The following USP6 variants were observed in gnomAD, a reference collection of about 807,000 sequenced individuals.
The protein encoded by USP6 is ubiquitin carboxyl-terminal hydrolase 6.
Under a neutral mutation model 175.7 loss-of-function variants are expected in USP6, and 128 were observed. That is an observed-to-expected ratio of 0.73 (90% CI 0.63 to 0.84). USP6 has a LOEUF of 0.84. USP6 is among the 40% of genes least tolerant of loss of function. The pLI is 0.00. For missense variants in USP6, 1,498 were observed against 1,760.3 expected (o/e 0.85, Z 2.67); for synonymous variants, 562 against 630.6 (o/e 0.89, Z 1.63).
In USP6 at chr17:5,138,336, G is replaced by A. The variant is rs2073329001; in HGVS notation, c.1078+63G>A. 3 of 1,606,512 alleles carry A rather than the reference G, an allele frequency of 1.9e-6. 1 individual carries two copies. The South Asian group carries it at 3.3e-5, about 18-fold the overall frequency. On this transcript the variant is annotated intron_variant, in intron 21 of 37. Coordinates refer to ENST00000574788, the MANE Select transcript of USP6 (RefSeq NM_001304284.2). The stretch of plus-strand genomic sequence containing the variant: ...CTGGGGCAGTCAATAGTGGGCGGGT[G>A]CCCCGGACCAGCAACCCTACTACCT...
intron 33 of USP6, among the ~76,000 whole-genome samples, chr17:5,167,360 C>A (rs1241765569): frequency 6.6e-6 from 1 of 152,122 alleles, no homozygotes; most frequent in Non-Finnish European, 1.5e-5. Flanking sequence ...AAATTCAATT[C>A]TTTTTGTTTT....
At chr17:5,118,949 A>G (rs921918905) in intron 2 of USP6, among the ~76,000 whole-genome samples, 31 of 152,224 alleles carry the variant, frequency 2.0e-4, no homozygotes, top group Non-Finnish European at 1.3e-4. Flanking sequence ...TTATTCAGAA[A>G]GAACCAATCG....
In USP6 at chr17:5,155,494, C is replaced by T. The variant is rs1302699204; in HGVS notation, c.2716C>T (p.Pro906Ser). 1 of 1,614,104 alleles carries T rather than the reference C, an allele frequency of 6.2e-7. No individual in the cohort carries two copies. Among genetic ancestry groups the T allele is most frequent in the East Asian group, 2.2e-5 (1 of 44,878 alleles). ...PSLFGMPLIV[P>S]CTVHTRKKDL... ...CCTCTTTGGAATGCCATTGATTGTT[C>T]CATGCACTGTGCATACCCGGAAGAA... is the stretch of plus-strand genomic sequence containing the variant. Residue 906 changes from proline (P) to serine (S), a missense_variant, in exon 31 of 38, where the codon CCA (proline) becomes TCA (serine). Transcript: ENST00000574788.
intron 28 of USP6, among the ~76,000 whole-genome samples, chr17:5,146,450 G>A (rs1340495319): frequency 6.6e-6 from 1 of 152,092 alleles, no homozygotes; most frequent in Non-Finnish European, 1.5e-5. Flanking sequence ...TATAGTATAG[G>A]TTTCCTCCAA....
intron 25 of USP6, among the ~76,000 whole-genome samples, chr17:5,143,577 A>G (rs1369662774): frequency 2.0e-5 from 3 of 151,680 alleles, no homozygotes; most frequent in East Asian, 1.9e-4. Flanking sequence ...AAGAGTCATC[A>G]CCACTCCCTA....
At position 5,135,221 on chromosome 17, in the gene USP6, C is replaced by G; in HGVS notation, c.495-13C>G. ...CACAAACCAAACCATAGCCCCCTTT[C>G]TGTGTTTCCTAGGCAGAGGGAACTA... On this transcript the variant is annotated splice_polypyrimidine_tract_variant and intron_variant, in intron 15 of 37. Transcript: ENST00000574788. 1 of 1,612,366 alleles carries G rather than the reference C, an allele frequency of 6.2e-7. No individual in the cohort carries two copies. The highest frequency in any genetic ancestry group is 2.2e-5 in the East Asian group (1 of 44,834).
Position 5,141,440 on chromosome 17 carries a change from T to A in USP6, c.1514T>A (p.Met505Lys). 1 of 1,608,920 alleles carries A rather than the reference T, an allele frequency of 6.2e-7. No individual in the cohort carries two copies. Among genetic ancestry groups the A allele is most frequent in the Non-Finnish European group, 8.5e-7 (1 of 1,178,122 alleles). The change falls in exon 23 of 38, where the codon ATG becomes AAG. Residue 505 changes from methionine (M) to lysine (K), a missense_variant. Coordinates refer to ENST00000574788, the MANE Select transcript of USP6 (RefSeq NM_001304284.2). ...EHCGEVHNKD[M>K]SWPEEMSFTA... Reference sequence around the variant, plus strand: ...GTCCTTCCAGTTCACAACAAAGATATGAGTTGGCCTGAGGAGATGTCTTTT... The same window carrying A: ...GTCCTTCCAGTTCACAACAAAGATAAGAGTTGGCCTGAGGAGATGTCTTTT...
intron 23 of USP6, 44 bp downstream of exon 23, chr17:5,141,543 A>T (rs2073448217): frequency 3.3e-6 from 5 of 1,500,268 alleles, no homozygotes; most frequent in African/African-American, 2.9e-5. Flanking sequence ...TTTTAAATGT[A>T]TTTTTTTTCT....
chr17:5,143,028 T>TA (rs1482115010), intron 25 of USP6, among the ~76,000 whole-genome samples: 4 of 152,016 alleles, frequency 2.6e-5, no homozygotes, highest in African/African-American at 4.8e-5. Context: ...CTGTCTCTAC[T>TA]AAAAAAAATT....
chr17:5,143,750 A>G (rs1032669009), intron 25 of USP6, among the ~76,000 whole-genome samples: 2 of 150,924 alleles, frequency 1.3e-5, no homozygotes, highest in Non-Finnish European at 3.0e-5. Context: ...AGAATGATCA[A>G]TAAAAAAAAA....
At chr17:5,161,661 G>A in intron 32 of USP6, 47 bp downstream of exon 32, 1 of 1,592,460 alleles carries the variant, frequency 6.3e-7, no homozygotes, top group Non-Finnish European at 8.6e-7. Flanking sequence ...TTCAGCTTTA[G>A]ATATTATACA....
chr17:5,131,178 A>G (rs943058337), intron 11 of USP6, among the ~76,000 whole-genome samples: 35 of 151,934 alleles, frequency 2.3e-4, no homozygotes, highest in Non-Finnish European at 4.9e-4. Flanking sequence ...GTGTGGGGAC[A>G]GTGGGGGCTT....
Position 5,120,763 on chromosome 17 carries a change from A to T in USP6, c.-1700A>T. The T allele has an allele frequency of 2.3e-6, 1 of 444,224 alleles. No individual in the cohort carries two copies. The highest frequency in any genetic ancestry group is 4.5e-6 in the Non-Finnish European group (1 of 221,290). The allele number at this position is 444,224 out of a possible 1,614,324, so 27.5% of individuals were successfully genotyped here. A position where few individuals can be genotyped will look rare whatever the true frequency, so the allele number is the denominator to read the frequency against. On this transcript the variant is annotated 5_prime_UTR_variant, in exon 3 of 38. It removes an upstream start codon present in the reference 5' UTR. Coordinates refer to ENST00000574788, the MANE Select transcript of USP6 (RefSeq NM_001304284.2). ...AAATTGGTGGAGAAGAGCTACAAGGATGCCAAGGGCTGTTTCTTCAGCATG... is the reference window on the plus strand; with the variant it reads ...AAATTGGTGGAGAAGAGCTACAAGGTTGCCAAGGGCTGTTTCTTCAGCATG...
Position 5,171,709 on chromosome 17 carries a change from TAGA to T in USP6, c.4047+32_4047+34del, listed in dbSNP as rs779396694. 46 of 1,605,830 alleles carry T rather than the reference TAGA, an allele frequency of 2.9e-5. No homozygotes were observed. In the Admixed American group the frequency reaches 6.9e-4, roughly 24 times the overall value. The stretch of plus-strand genomic sequence containing the variant: ...ACATTCTCAATCTTTGAATGAAAGT[TAGA>T]ATATCAACAGAACTGGGGAACATTT... On this transcript the variant is annotated intron_variant, in intron 37 of 37. Coordinates refer to ENST00000574788, the MANE Select transcript of USP6 (RefSeq NM_001304284.2).
rs759837896 is a variant in USP6, at chr17:5,155,407, C to T, written c.2644-15C>T. The T allele has an allele frequency of 8.7e-6, 14 of 1,611,398 alleles. No homozygotes were observed. The highest frequency in any genetic ancestry group is 4.5e-5 in the East Asian group (2 of 44,816). ...GCCTGTCTTCTCAACTCTCTATTCT[C>T]GTTTGTACATACAGATGAGGACAGA... On this transcript the variant is annotated splice_polypyrimidine_tract_variant and intron_variant, in intron 30 of 37. Coordinates refer to ENST00000574788, the MANE Select transcript of USP6 (RefSeq NM_001304284.2).
In USP6 at chr17:5,136,746, G is replaced by T; in HGVS notation, c.759+12G>T. On this transcript the variant is annotated intron_variant, in intron 18 of 37. Transcript: ENST00000574788. ...CCATGTGGCATCAGGTGAGTTTATG[G>T]TCCCCTCGGCTCTTCTCAGAGGCCC... The T allele has an allele frequency of 6.2e-7, 1 of 1,611,940 alleles. No homozygotes were observed. The highest frequency in any genetic ancestry group is 8.5e-7 in the Non-Finnish European group (1 of 1,179,458).
chr17:5,139,043 G>A (rs1183768228), intron 21 of USP6: 2 of 1,580,650 alleles, frequency 1.3e-6, no homozygotes, highest in Admixed American at 1.7e-5. Flanking sequence ...GCAGTCCCAG[G>A]AGCCACCCAC....
chr17:5,155,866 C>G (rs2073872789), intron 31 of USP6, among the ~76,000 whole-genome samples: 1 of 152,144 alleles, frequency 6.6e-6, no homozygotes, highest in Non-Finnish European at 1.5e-5. Context: ...GCCAAACATT[C>G]TAGTGTCTAA....
In USP6 at chr17:5,132,977, A is replaced by C. The variant is rs150182797; in HGVS notation, c.263A>C (p.Lys88Thr). Residue 88 changes from lysine (K) to threonine (T), a missense_variant, in exon 13 of 38, where the codon AAG becomes ACG. Lys to Thr is a moderately conservative substitution (Grantham distance 78). Coordinates refer to ENST00000574788, the MANE Select transcript of USP6 (RefSeq NM_001304284.2). The surrounding 1 kb of genome is among the most constrained non-coding windows in gnomAD (Gnocchi z 4.7). Reference protein sequence around the residue: ...MEMLGEWETYKHSSKLIDRVY... With the variant: ...MEMLGEWETYTHSSKLIDRVY... Reference sequence around the variant, plus strand: ...ATGCTGGGAGAATGGGAGACATATAAGCACAGTAGCAAAGTAATGTGTGGA... The same window carrying C: ...ATGCTGGGAGAATGGGAGACATATACGCACAGTAGCAAAGTAATGTGTGGA... 3.3e-3 allele frequency: 5,251 copies of C among 1,614,166 alleles called. 7 individuals are homozygous for C. The highest frequency in any genetic ancestry group is 3.8e-3 in the Non-Finnish European group (4,464 of 1,180,010).
Sources: gnomAD v4.1 joint callset for allele counts (sites outside exome capture counted in the v4.1 genomes callset) on GRCh38, gnomAD v4.1.1 for gene constraint, Gnocchi (gnomAD v3.1) non-coding constraint, MANE v1.5 for transcripts, NCBI Gene and HGNC (gene_info 2026-07-23, HGNC 2026-07-21) for gene names.